The following MTHFD1L variants were observed in gnomAD, a reference collection of about 807,000 sequenced individuals.
MTHFD1L encodes the protein monofunctional C1-tetrahydrofolate synthase, mitochondrial.
Under a neutral mutation model 119.5 loss-of-function variants are expected in MTHFD1L, and 81 were observed. The ratio of observed to expected loss-of-function variants is 0.68; its 90% confidence interval spans 0.57 to 0.82. MTHFD1L has a LOEUF of 0.82. Ranked by LOEUF, MTHFD1L falls within the 40% of genes least tolerant of loss-of-function variation. MTHFD1L has a pLI of 0.00. For synonymous variants in MTHFD1L, 430 were observed against 475.2 expected, an observed-to-expected ratio of 0.90 and a Z score of 1.24; for missense variants, 1,125 against 1,253.4, an observed-to-expected ratio of 0.90 and a Z score of 1.55.
intron 7 of MTHFD1L, among the ~76,000 whole-genome samples, chr6:150,903,831 G>T (rs1245970261): frequency 6.6e-6 from 1 of 152,186 alleles, no homozygotes; most frequent in African/African-American, 2.4e-5. Context: ...ATACTGTTTG[G>T]CTTATTAATG....
At chr6:150,866,331 C>T in intron 1 of MTHFD1L, 1 of 1,453,156 alleles carries the variant, frequency 6.9e-7, no homozygotes, top group Non-Finnish European at 9.0e-7. Flanking sequence ...ACGCCCGGCT[C>T]CACGTGCGCA....
At chr6:150,909,202 A>G (rs1170284290) in intron 8 of MTHFD1L, among the ~76,000 whole-genome samples, 1 of 151,984 alleles carries the variant, frequency 6.6e-6, no homozygotes, top group Admixed American at 6.6e-5. Context: ...CATGAGTCCA[A>G]TGTTTAGATT....
At position 150,871,016 on chromosome 6, in the gene MTHFD1L, TTATATATACCTTAATTTA is replaced by T. The variant is rs1410683396; in HGVS notation, c.227+4981_227+4998del. Among the ~76,000 whole-genome samples the T allele has an allele frequency of 4.8e-5, 7 of 145,518 alleles. 1 individual carries two copies. Among genetic ancestry groups the T allele is most frequent in the East Asian group, 3.9e-4 (2 of 5,098 alleles). On this transcript the variant is annotated intron_variant, in intron 1 of 27. Coordinates refer to ENST00000367321, the MANE Select transcript of MTHFD1L (RefSeq NM_015440.5). ...ATACCTTAATTATAATATAATATAA[TTATATATACCTTAATTTA>T]TATATATACCTTATAATATATATAC... is the stretch of plus-strand genomic sequence containing the variant.
chr6:150,971,322 G>A (rs1177718701), intron 19 of MTHFD1L, among the ~76,000 whole-genome samples: 1 of 151,994 alleles, frequency 6.6e-6, no homozygotes, highest in Non-Finnish European at 1.5e-5. Flanking sequence ...TCAGCCTCCC[G>A]AGTAGCTGAG....
At position 150,926,028 on chromosome 6, in the gene MTHFD1L, T is replaced by C. The variant is rs973598407; in HGVS notation, c.1083-94T>C. ...GGACCCCAAAGTAATTGCATTGATT[T>C]CATCGTTGGCGTGATGTGTGGCTGT... On this transcript the variant is annotated intron_variant, in intron 10 of 27. Transcript: ENST00000367321. The surrounding 1 kb of genome is among the most constrained non-coding windows in gnomAD (Gnocchi z 4.3). 33 of 1,080,912 alleles carry C rather than the reference T, an allele frequency of 3.1e-5. No individual in the cohort carries two copies. The African/African-American group carries it at 4.9e-4, about 16-fold the overall frequency. The allele number at this position is 1,080,912 out of a possible 1,614,324, so 67.0% of individuals were successfully genotyped here.
chr6:151,066,767 A>G (rs1379820711), intron 26 of MTHFD1L, among the ~76,000 whole-genome samples: 1 of 150,010 alleles, frequency 6.7e-6, no homozygotes, highest in African/African-American at 2.4e-5. Flanking sequence ...TCCGTCTCAA[A>G]AAAAAAAAAA....
intron 20 of MTHFD1L, among the ~76,000 whole-genome samples, chr6:150,996,493 A>G (rs1779822849): frequency 1.3e-5 from 2 of 152,194 alleles, no homozygotes; most frequent in Admixed American, 1.3e-4. Context: ...TAACATCAGC[A>G]GCAGCAGAAA....
chr6:150,948,437 A>G (rs1794349813), intron 15 of MTHFD1L, among the ~76,000 whole-genome samples: 1 of 151,778 alleles, frequency 6.6e-6, no homozygotes, highest in Non-Finnish European at 1.5e-5. Flanking sequence ...CTTCTGCCTC[A>G]GCCTCCCAAG....
chr6:150,866,367 G>A (rs1562274621), intron 1 of MTHFD1L: 3 of 1,410,414 alleles, frequency 2.1e-6, no homozygotes, highest in Non-Finnish European at 9.2e-7. Flanking sequence ...TGATGCAATC[G>A]CGCCGGGCGC....
chr6:150,927,018 T>C (rs556966985), intron 11 of MTHFD1L, among the ~76,000 whole-genome samples: 2 of 152,336 alleles, frequency 1.3e-5, no homozygotes, highest in East Asian at 1.9e-4. Context: ...TCAGTGACTA[T>C]TGCTTATGAT....
At position 151,024,996 on chromosome 6, in the gene MTHFD1L, A is replaced by G. The variant is rs142058885; in HGVS notation, c.2586+9303A>G. Among the ~76,000 whole-genome samples, 631 of 152,200 alleles carry G rather than the reference A, an allele frequency of 4.1e-3. 4 individuals are homozygous for G. Among genetic ancestry groups the G allele is most frequent in the African/African-American group, 0.014 (597 of 41,532 alleles). On this transcript the variant is annotated intron_variant, in intron 24 of 27. Transcript: ENST00000367321. ...GAGATCTTTAAAATCACTTATTCCCATATATTCCGTTTTTTGGCATTGCTA... is the reference window on the plus strand; with the variant it reads ...GAGATCTTTAAAATCACTTATTCCCGTATATTCCGTTTTTTGGCATTGCTA...
intron 16 of MTHFD1L, among the ~76,000 whole-genome samples, chr6:150,949,861 G>A (rs1794596243): frequency 6.6e-6 from 1 of 152,148 alleles, no homozygotes. Flanking sequence ...TCGCATGCAT[G>A]TTCTTGGCGT....
chr6:150,923,904 G>A (rs1789492323), intron 10 of MTHFD1L, among the ~76,000 whole-genome samples: 3 of 152,014 alleles, frequency 2.0e-5, no homozygotes, highest in Non-Finnish European at 4.4e-5. Context: ...TGTGCAATCT[G>A]TTTCATAAAA....
chr6:150,982,426 A>G (rs1428437823), intron 20 of MTHFD1L, among the ~76,000 whole-genome samples: 1 of 152,176 alleles, frequency 6.6e-6, no homozygotes, highest in Non-Finnish European at 1.5e-5. Flanking sequence ...TAGCACGTGC[A>G]TTTGTGCATT....
intron 5 of MTHFD1L, among the ~76,000 whole-genome samples, chr6:150,883,406 A>G (rs545880035): frequency 3.2e-4 from 48 of 152,304 alleles, no homozygotes; most frequent in African/African-American, 1.1e-3. Context: ...ATAGTGCTTC[A>G]ATGCCATATG....
At position 151,069,251 on chromosome 6, in the gene MTHFD1L, T is replaced by TCTCTCTCTC. The variant is rs1791671966; in HGVS notation, c.2848-23216_2848-23215insCTCTCTCTC. On this transcript the variant is annotated intron_variant, in intron 26 of 27. Coordinates refer to ENST00000367321, the MANE Select transcript of MTHFD1L (RefSeq NM_015440.5). ...AGGCCCAAAACTATCTTCTCTCTCT[T>TCTCTCTCTC]TCTCTCTCTCTCTCTCTCTCTCTCT... is the stretch of plus-strand genomic sequence containing the variant. Among the ~76,000 whole-genome samples, 8 of 136,676 alleles carry TCTCTCTCTC rather than the reference T, an allele frequency of 5.9e-5. No homozygotes were observed. In the South Asian group the frequency reaches 7.4e-4, roughly 13 times the overall value. The allele number at this position is 136,676 out of a possible 152,430, so 89.7% of individuals were successfully genotyped here. A position where few individuals can be genotyped will look rare whatever the true frequency, so the allele number is the denominator to read the frequency against.
At chr6:150,962,726 A>G (rs1167440071) in intron 18 of MTHFD1L, among the ~76,000 whole-genome samples, 1 of 152,156 alleles carries the variant, frequency 6.6e-6, no homozygotes, top group Admixed American at 6.5e-5. Context: ...TCCAACAGAA[A>G]CATCCCTCTT....
At chr6:150,973,058 A>T (rs576230173) in intron 20 of MTHFD1L, among the ~76,000 whole-genome samples, 2 of 152,250 alleles carry the variant, frequency 1.3e-5, no homozygotes, top group Non-Finnish European at 2.9e-5. Flanking sequence ...AATCTGACAT[A>T]TGAGGGACTG....
intron 8 of MTHFD1L, among the ~76,000 whole-genome samples, chr6:150,907,832 T>G (rs1439359597): frequency 6.6e-6 from 1 of 152,150 alleles, no homozygotes; most frequent in African/African-American, 2.4e-5. Context: ...GTAATAGTTT[T>G]CTTGTTGGTT....
Sources: gnomAD v4.1 joint callset for allele counts (sites outside exome capture counted in the v4.1 genomes callset) on GRCh38, gnomAD v4.1.1 for gene constraint, Gnocchi (gnomAD v3.1) non-coding constraint, MANE v1.5 for transcripts, NCBI Gene and HGNC (gene_info 2026-07-23, HGNC 2026-07-21) for gene names.